Variants in ACOT13 observed in about 807,000 individuals in gnomAD.
ACOT13 encodes acyl-coenzyme A thioesterase 13.
Under a neutral mutation model 11.8 loss-of-function variants are expected in ACOT13, and 10 were observed. The ratio of observed to expected loss-of-function variants is 0.85; its 90% CI spans 0.53 to 1.44. The LOEUF is 1.44. Ranked by LOEUF, ACOT13 falls within the 40% of genes most tolerant of loss-of-function variation. The pLI is 0.00. For missense variants in ACOT13, 172 were observed against 174.1 expected, an observed-to-expected ratio of 0.99 and a Z score of 0.07; for synonymous variants, 53 against 61.0, an observed-to-expected ratio of 0.87 and a Z score of 0.61.
At chr6:24,701,397 G>C (rs1778889006) in intron 2 of ACOT13, 62 bp from the exon 3 acceptor site, 2 of 1,466,282 alleles carry the variant, frequency 1.4e-6, no homozygotes, top group South Asian at 2.5e-5. Context: ...ACTGTTGTGA[G>C]ATGCACACAA....
chr6:24,685,455 T>C (rs1317713958), intron 1 of ACOT13, among the ~76,000 whole-genome samples: 1 of 150,106 alleles, frequency 6.7e-6, no homozygotes, highest in East Asian at 2.0e-4. Flanking sequence ...CACACCATTC[T>C]CCTGCCTCAG....
At chr6:24,698,242 C>T (rs1339742236) in intron 2 of ACOT13, among the ~76,000 whole-genome samples, 175 bp downstream of exon 2, 2 of 152,164 alleles carry the variant, frequency 1.3e-5, no homozygotes, top group Non-Finnish European at 2.9e-5. Flanking sequence ...AGAACTAGAG[C>T]AGTTAATTTG....
chr6:24,688,816 A>G (rs1465591610), intron 1 of ACOT13, among the ~76,000 whole-genome samples: 2 of 152,190 alleles, frequency 1.3e-5, no homozygotes, highest in East Asian at 3.8e-4. Flanking sequence ...TTATGGCGAG[A>G]GATACAATAA....
At chr6:24,671,472 G>A (rs1778364501) in intron 1 of ACOT13, among the ~76,000 whole-genome samples, 1 of 151,810 alleles carries the variant, frequency 6.6e-6, no homozygotes, top group South Asian at 2.1e-4. Flanking sequence ...TGGGGTGGGG[G>A]GATGGGGGAG....
intron 1 of ACOT13, among the ~76,000 whole-genome samples, chr6:24,688,419 G>A (rs1256579175): frequency 6.6e-6 from 1 of 151,568 alleles, no homozygotes; most frequent in Non-Finnish European, 1.5e-5. Flanking sequence ...GTGTGCCTGT[G>A]GCCCCAGCTG....
chr6:24,692,397 T>C (rs941817461), intron 1 of ACOT13, among the ~76,000 whole-genome samples: 3 of 152,188 alleles, frequency 2.0e-5, no homozygotes, highest in Non-Finnish European at 4.4e-5. Context: ...GATAATAGTT[T>C]TTATAATAAG....
At chr6:24,695,706 T>G (rs1778785146) in intron 1 of ACOT13, among the ~76,000 whole-genome samples, 1 of 152,362 alleles carries the variant, frequency 6.6e-6, no homozygotes, top group Admixed American at 6.5e-5. Context: ...TTACACCTTA[T>G]TCCTGCTCGG....
At chr6:24,691,380 G>A (rs557762757) in intron 1 of ACOT13, among the ~76,000 whole-genome samples, 13 of 152,174 alleles carry the variant, frequency 8.5e-5, no homozygotes, top group Non-Finnish European at 1.9e-4. Flanking sequence ...TGACAAAAAC[G>A]CCTGCACGCA....
At chr6:24,681,721 G>T (rs917453288) in intron 1 of ACOT13, among the ~76,000 whole-genome samples, 3 of 152,096 alleles carry the variant, frequency 2.0e-5, no homozygotes, top group African/African-American at 7.2e-5. Context: ...TACAGCCCAG[G>T]TGCCTAAGGA....
At position 24,702,063 on chromosome 6, in the gene ACOT13, C is replaced by A. The variant is rs996213144; in HGVS notation, c.*448C>A. 2 of 153,084 alleles carry A rather than the reference C, an allele frequency of 1.3e-5. No individual in the cohort carries two copies. The highest frequency in any genetic ancestry group is 1.3e-4 in the Admixed American group (2 of 15,330). The allele number at this position is 153,084 out of a possible 1,614,324, so 9.5% of individuals were successfully genotyped here. ...TGTTAGGTGAGGGCCCGCTTCCTGGCTCATAGATGGTGCCTTCTCACTGTG... is the reference window on the plus strand; with the variant it reads ...TGTTAGGTGAGGGCCCGCTTCCTGGATCATAGATGGTGCCTTCTCACTGTG... On this transcript the variant is annotated 3_prime_UTR_variant, in exon 3 of 3. Transcript: ENST00000230048.
At chr6:24,681,867 T>A (rs981150331) in intron 1 of ACOT13, among the ~76,000 whole-genome samples, 2 of 152,172 alleles carry the variant, frequency 1.3e-5, no homozygotes, top group African/African-American at 4.8e-5. Flanking sequence ...GGGCTACACT[T>A]TCAAGAAAGT....
In ACOT13 at chr6:24,703,827, G is replaced by A. The variant is rs1400703287; in HGVS notation, c.*2212G>A. 3.3e-5 allele frequency: 5 copies of A among 152,212 alleles called. No homozygotes were observed. The highest frequency in any genetic ancestry group is 1.2e-4 in the African/African-American group (5 of 41,446). 9.4% of individuals were successfully genotyped at this position (152,212 alleles called of 1,614,324 possible). A position where few individuals can be genotyped will look rare whatever the true frequency, so the allele number is the denominator to read the frequency against. On this transcript the variant is annotated 3_prime_UTR_variant, in exon 3 of 3. Coordinates refer to ENST00000230048, the MANE Select transcript of ACOT13 (RefSeq NM_018473.4). ...CCAGGCGCTCAAAAGTAACATCAAT[G>A]AAGAGCAGATGGAGAGTATACTTGA...
intron 2 of ACOT13, among the ~76,000 whole-genome samples, chr6:24,698,665 G>C (rs1222777415): frequency 6.7e-6 from 1 of 150,092 alleles, no homozygotes; most frequent in Non-Finnish European, 1.5e-5. Context: ...TTTGGACACG[G>C]AGTCTCCCCA....
At chr6:24,672,108 T>C (rs745527849) in intron 1 of ACOT13, among the ~76,000 whole-genome samples, 3 of 152,204 alleles carry the variant, frequency 2.0e-5, no homozygotes, top group African/African-American at 4.8e-5. Context: ...GTTTGTCAAA[T>C]ATCAAATGTT....
chr6:24,667,415 G>T (rs1049353413), intron 1 of ACOT13, 71 bp downstream of exon 1: 9 of 1,385,744 alleles, frequency 6.5e-6, no homozygotes, highest in South Asian at 2.4e-5. Flanking sequence ...TGGTGCCGTT[G>T]TGAGCTTTGA....
chr6:24,696,239 G>A (rs911108939), intron 1 of ACOT13, among the ~76,000 whole-genome samples: 23 of 152,168 alleles, frequency 1.5e-4, no homozygotes, highest in Non-Finnish European at 2.5e-4. Context: ...CCACTAAATA[G>A]GTGGTTTGTG....
rs1778943963 is a variant in ACOT13 at position 24,704,024 on chromosome 6, G to C, written c.*2409G>C. ...CTAAATTCAATGATCCTGTACTCTA[G>C]AGGGGGGGATCTAAAACAAGCTACC... On this transcript the variant is annotated 3_prime_UTR_variant, in exon 3 of 3. Transcript: ENST00000230048. 2 of 152,286 alleles carry C rather than the reference G, an allele frequency of 1.3e-5. No homozygotes were observed. Among genetic ancestry groups the C allele is most frequent in the South Asian group, 4.1e-4 (2 of 4,820 alleles). The allele number at this position is 152,286 out of a possible 1,614,324, so 9.4% of individuals were successfully genotyped here.
intron 1 of ACOT13, among the ~76,000 whole-genome samples, chr6:24,676,773 C>G (rs990403369): frequency 6.6e-6 from 1 of 152,164 alleles, no homozygotes; most frequent in African/African-American, 2.4e-5. Flanking sequence ...CAGTTCCTTT[C>G]TGTTTCCCTT....
intron 1 of ACOT13, among the ~76,000 whole-genome samples, chr6:24,676,695 G>A (rs1201515571): frequency 1.6e-4 from 24 of 152,280 alleles, no homozygotes; most frequent in Non-Finnish European, 2.9e-5. Flanking sequence ...AGGACTGGGG[G>A]TCCTTCTATA....
Sources: allele counts gnomAD v4.1 joint callset (sites outside exome capture counted in the v4.1 genomes callset), GRCh38; gene constraint gnomAD v4.1.1; transcripts MANE v1.5; gene names NCBI Gene and HGNC (gene_info 2026-07-23, HGNC 2026-07-21).